The following RAMP3 variants were observed in gnomAD, a reference collection of about 807,000 sequenced individuals.
RAMP3 encodes the protein receptor activity-modifying protein 3.
RAMP3 carries 14 observed loss-of-function variants against 13.5 expected under a neutral mutation model. The observed-to-expected ratio is 1.04, with a 90% CI of 0.69 to 1.63. RAMP3 has a LOEUF of 1.63. Ranked by LOEUF, RAMP3 falls within the 40% of genes most tolerant of loss-of-function variation. RAMP3 has a pLI of 0.00. For synonymous variants in RAMP3, 106 were observed against 88.3 expected (o/e 1.20, Z -1.12); for missense variants, 200 against 204.8 (o/e 0.98, Z 0.14).
chr7:45,182,047 C>T (rs1786326980), intron 2 of RAMP3, among the ~76,000 whole-genome samples: 1 of 152,140 alleles, frequency 6.6e-6, no homozygotes, highest in South Asian at 2.1e-4. Flanking sequence ...GTCCCTGTTT[C>T]CTACCCCTTT....
At chr7:45,180,072 G>C (rs1269356505) in intron 2 of RAMP3, among the ~76,000 whole-genome samples, 1 of 152,248 alleles carries the variant, frequency 6.6e-6, no homozygotes, top group Non-Finnish European at 1.5e-5. Flanking sequence ...CAGACGTGTG[G>C]CACCTCCAGC....
intron 1 of RAMP3, among the ~76,000 whole-genome samples, chr7:45,165,294 A>T (rs572776769): frequency 6.6e-6 from 1 of 152,282 alleles, no homozygotes; most frequent in African/African-American, 2.4e-5. Context: ...ATTTAAATCA[A>T]AGTTATAAAT....
intron 1 of RAMP3, among the ~76,000 whole-genome samples, chr7:45,160,940 C>T (rs1439645253): frequency 6.6e-6 from 1 of 152,200 alleles, no homozygotes; most frequent in Non-Finnish European, 1.5e-5. Context: ...GCTGGGAGCC[C>T]CTCAAGCCTC....
At chr7:45,163,409 AC>A (rs1401933015) in intron 1 of RAMP3, 1 of 985,432 alleles carries the variant, frequency 1.0e-6, no homozygotes, top group Non-Finnish European at 1.2e-6. Flanking sequence ...CTACAAGAGA[AC>A]CTGGGGTCAG....
intron 1 of RAMP3, among the ~76,000 whole-genome samples, chr7:45,174,674 G>A (rs773204973): frequency 2.0e-5 from 3 of 152,068 alleles, no homozygotes; most frequent in Admixed American, 1.3e-4. Context: ...GCCTGTATGC[G>A]CAGCCCCTAT....
Position 45,177,425 on chromosome 7 carries a change from C to A in RAMP3, c.175C>A (p.Leu59Met). The change falls in exon 2 of 3, where the codon CTG becomes ATG. Residue 59 changes from leucine to methionine, a missense_variant. Leu to Met is a conservative substitution (Grantham distance 15). Coordinates refer to ENST00000242249, the MANE Select transcript of RAMP3 (RefSeq NM_005856.3). ...GKVDVWKWCN[L>M]SEFIVYYESF... ...GGTGGACGTCTGGAAGTGGTGCAAC[C>A]TGTCCGAGTTCATCGTGTGAGTGCC... 1 of 1,614,106 alleles carries A rather than the reference C, an allele frequency of 6.2e-7. No homozygotes were observed. The highest frequency in any genetic ancestry group is 8.5e-7 in the Non-Finnish European group (1 of 1,179,968).
chr7:45,160,426 G>GT (rs1408818285), intron 1 of RAMP3, among the ~76,000 whole-genome samples: 11 of 147,142 alleles, frequency 7.5e-5, no homozygotes, highest in African/African-American at 2.7e-4. Flanking sequence ...GGCACTGGAG[G>GT]TTCCTTGGAG....
intron 1 of RAMP3, among the ~76,000 whole-genome samples, chr7:45,166,892 C>T (rs1192334058): frequency 6.6e-6 from 1 of 151,268 alleles, no homozygotes; most frequent in African/African-American, 2.4e-5. Context: ...TCTTGTGCCT[C>T]AGCCTCCCGA....
chr7:45,160,440 A>G (rs1785843447), intron 1 of RAMP3, among the ~76,000 whole-genome samples: 2 of 140,624 alleles, frequency 1.4e-5, no homozygotes, highest in Non-Finnish European at 3.0e-5. Context: ...CTTGGAGGTT[A>G]TCTGACCTCC....
chr7:45,177,164 G>A (rs1786203884), intron 1 of RAMP3, 145 bp from the exon 2 acceptor site: 1 of 1,028,202 alleles, frequency 9.7e-7, no homozygotes, highest in South Asian at 1.6e-5. Context: ...TCAGGGTGGA[G>A]GGTGAAGGAC....
chr7:45,164,866 G>C (rs531110652), intron 1 of RAMP3, among the ~76,000 whole-genome samples: 2 of 152,214 alleles, frequency 1.3e-5, no homozygotes, highest in South Asian at 4.1e-4. Context: ...TTGGATTCTT[G>C]TTGGCAGCCT....
At chr7:45,162,686 C>T (rs1785887156) in intron 1 of RAMP3, among the ~76,000 whole-genome samples, 1 of 152,196 alleles carries the variant, frequency 6.6e-6, no homozygotes, top group African/African-American at 2.4e-5. Context: ...ATTCAGGGAG[C>T]ACTGGTCAGT....
intron 1 of RAMP3, among the ~76,000 whole-genome samples, chr7:45,160,280 C>G (rs763662326): frequency 8.0e-6 from 1 of 125,318 alleles, no homozygotes; most frequent in Non-Finnish European, 1.6e-5. Context: ...TGCAGTGAGC[C>G]GAGATCATGC....
Position 45,183,065 on chromosome 7 carries a change from C to G in RAMP3, c.192-92C>G. On this transcript the variant is annotated intron_variant, in intron 2 of 2. Coordinates refer to ENST00000242249, the MANE Select transcript of RAMP3 (RefSeq NM_005856.3). ...ATAGGTGGCCAAATGGGACTGTACC[C>G]AAGCCACCCCACCCATCTTCCTGGC... 7.7e-6 allele frequency: 12 copies of G among 1,549,112 alleles called. No individual in the cohort carries two copies. In the South Asian group the frequency reaches 1.4e-4, roughly 18 times the overall value.
chr7:45,163,709 A>G, intron 1 of RAMP3: 1 of 985,322 alleles, frequency 1.0e-6, no homozygotes, highest in Non-Finnish European at 1.2e-6. Flanking sequence ...TGGGGAGACA[A>G]AGGACCAGAA....
intron 1 of RAMP3, among the ~76,000 whole-genome samples, chr7:45,158,651 T>A (rs1054700698): frequency 1.4e-5 from 2 of 146,326 alleles, no homozygotes; most frequent in Non-Finnish European, 3.0e-5. Context: ...GAGTGGTGAC[T>A]GAGCCTGGCC....
intron 1 of RAMP3, among the ~76,000 whole-genome samples, chr7:45,159,936 A>C (rs1275991702): frequency 6.6e-6 from 1 of 152,196 alleles, no homozygotes; most frequent in African/African-American, 2.4e-5. Flanking sequence ...TTATCATTAA[A>C]TGATGTCCTG....
At chr7:45,174,815 C>T (rs1786148581) in intron 1 of RAMP3, among the ~76,000 whole-genome samples, 1 of 152,210 alleles carries the variant, frequency 6.6e-6, no homozygotes, top group African/African-American at 2.4e-5. Context: ...CCCCCTGGAA[C>T]CCAGATGGCA....
intron 1 of RAMP3, among the ~76,000 whole-genome samples, chr7:45,167,033 CTG>C (rs1342731709): frequency 1.4e-5 from 2 of 146,580 alleles, no homozygotes; most frequent in Non-Finnish European, 3.0e-5. Context: ...TCTCCGCTCA[CTG>C]CAAGCTCCGC....
Sources: gnomAD v4.1 joint callset for allele counts (sites outside exome capture counted in the v4.1 genomes callset) on GRCh38, gnomAD v4.1.1 for gene constraint, MANE v1.5 for transcripts, NCBI Gene and HGNC (gene_info 2026-07-23, HGNC 2026-07-21) for gene names.